KIAA1549L: variants seen among roughly 807,000 people sequenced by gnomAD.
KIAA1549L encodes the protein UPF0606 protein KIAA1549L.
Under a neutral mutation model 160.7 loss-of-function variants are expected in KIAA1549L, and 88 were observed. The ratio of observed to expected loss-of-function variants is 0.55; its 90% CI spans 0.46 to 0.65. KIAA1549L has a LOEUF of 0.65. KIAA1549L is among the 30% of genes least tolerant of loss of function. The probability of loss-of-function intolerance (pLI) is 0.00; values close to 1 mark genes in which losing one functional copy is unlikely to be tolerated. For synonymous variants in KIAA1549L, 950 were observed against 976.7 expected (o/e 0.97, Z 0.51); for missense variants, 2,258 against 2,437.5 (o/e 0.93, Z 1.55).
In KIAA1549L at chr11:33,561,628, C is replaced by G. The variant is rs1314809688; in HGVS notation, c.4019-48C>G. On this transcript the variant is annotated intron_variant, in intron 7 of 20. Transcript: ENST00000658780. ...ATATAACTAAATAAATGAAACGAAA[C>G]AAATCAAACCTATAAAAGTAATTGG... 2.9e-6 allele frequency: 4 copies of G among 1,385,316 alleles called. No homozygotes were observed. The Admixed American group carries it at 5.2e-5, about 18-fold the overall frequency. The allele number at this position is 1,385,316 out of a possible 1,614,324, so 85.8% of individuals were successfully genotyped here. A position where few individuals can be genotyped will look rare whatever the true frequency, so the allele number is the denominator to read the frequency against.
At chr11:33,540,741 G>C (rs955800161) in intron 1 of KIAA1549L, among the ~76,000 whole-genome samples, 4 of 152,226 alleles carry the variant, frequency 2.6e-5, no homozygotes, top group African/African-American at 9.6e-5. Flanking sequence ...AGGTGGGCCA[G>C]TGGAGGCCAG....
intron 10 of KIAA1549L, among the ~76,000 whole-genome samples, chr11:33,580,459 A>G (rs1855596801): frequency 6.6e-6 from 1 of 151,856 alleles, no homozygotes; most frequent in African/African-American, 2.4e-5. Context: ...GTGTAATCCC[A>G]GCTACTTGGG....
intron 1 of KIAA1549L, among the ~76,000 whole-genome samples, chr11:33,511,729 G>A (rs1853231829): frequency 1.3e-5 from 2 of 152,212 alleles, no homozygotes; most frequent in African/African-American, 2.4e-5. Flanking sequence ...GATGGCACAT[G>A]TCAAGAACCT....
At chr11:33,561,583 A>C (rs559000152) in intron 7 of KIAA1549L, 93 bp from the exon 8 acceptor site, 2 of 1,016,520 alleles carry the variant, frequency 2.0e-6, no homozygotes, top group South Asian at 2.7e-5. Flanking sequence ...CCTGGGCAAC[A>C]TATCAAGATC....
chr11:33,490,537 C>G (rs570838377), intron 1 of KIAA1549L, among the ~76,000 whole-genome samples: 48 of 152,222 alleles, frequency 3.2e-4, no homozygotes, highest in African/African-American at 1.1e-3. Flanking sequence ...GTTGCTTAGG[C>G]TGATCTGAAA....
chr11:33,509,171 G>A (rs1853166218), intron 1 of KIAA1549L, among the ~76,000 whole-genome samples: 1 of 152,192 alleles, frequency 6.6e-6, no homozygotes, highest in South Asian at 2.1e-4. Context: ...CTTCCCCACA[G>A]TCTTTAAAGA....
chr11:33,390,034 C>T (rs1850244225), intron 1 of KIAA1549L, among the ~76,000 whole-genome samples: 1 of 152,206 alleles, frequency 6.6e-6, no homozygotes, highest in South Asian at 2.1e-4. Flanking sequence ...ATAGAAATAA[C>T]AGCTAATACT....
intron 6 of KIAA1549L, among the ~76,000 whole-genome samples, chr11:33,557,108 C>T (rs1288644701): frequency 6.6e-6 from 1 of 152,106 alleles, no homozygotes; most frequent in East Asian, 1.9e-4. Context: ...CTGCCTCAGC[C>T]TCCCAAGCAG....
Position 33,609,656 on chromosome 11 carries a change from G to A in KIAA1549L, c.5062-93G>A, listed in dbSNP as rs1590394338. On this transcript the variant is annotated intron_variant, in intron 14 of 20. Coordinates refer to ENST00000658780, the MANE Select transcript of KIAA1549L (RefSeq NM_012194.3). ...GAGGCCCGGAGGTGATGCCTGTGATGGCTTTTTTAGAAGTGATAACCTCCT... is the reference window on the plus strand; with the variant it reads ...GAGGCCCGGAGGTGATGCCTGTGATAGCTTTTTTAGAAGTGATAACCTCCT... The A allele has an allele frequency of 2.9e-6, 3 of 1,021,506 alleles. No individual in the cohort carries two copies. In the South Asian group the frequency reaches 4.3e-5, roughly 15 times the overall value. The allele number at this position is 1,021,506 out of a possible 1,614,324, so 63.3% of individuals were successfully genotyped here. A position where few individuals can be genotyped will look rare whatever the true frequency, so the allele number is the denominator to read the frequency against.
chr11:33,536,067 T>C (rs1853886751), intron 1 of KIAA1549L, among the ~76,000 whole-genome samples: 1 of 152,232 alleles, frequency 6.6e-6, no homozygotes, highest in African/African-American at 2.4e-5. Context: ...AGTGAAGGGT[T>C]CTTAACCAAT....
At chr11:33,395,299 T>G (rs1850350817) in intron 1 of KIAA1549L, among the ~76,000 whole-genome samples, 1 of 152,202 alleles carries the variant, frequency 6.6e-6, no homozygotes, top group African/African-American at 2.4e-5. Flanking sequence ...GCAATAATAA[T>G]AGCTAACACT....
At chr11:33,405,369 A>T (rs1383061052) in intron 1 of KIAA1549L, among the ~76,000 whole-genome samples, 1 of 152,224 alleles carries the variant, frequency 6.6e-6, no homozygotes, top group East Asian at 1.9e-4. Flanking sequence ...ACATTACAGA[A>T]TGACCAAGAT....
At position 33,542,627 on chromosome 11, in the gene KIAA1549L, C is replaced by T. The variant is rs527617353; in HGVS notation, c.1064C>T (p.Ser355Phe). The T allele has an allele frequency of 1.2e-5, 19 of 1,613,894 alleles. No individual in the cohort carries two copies. The African/African-American group carries it at 1.3e-4, about 11-fold the overall frequency. ...CCCATGGCAGAACTGTCCCATCCGTCTCCCCCTCCCCCAGCACTTGGAAGT... is the reference window on the plus strand; with the variant it reads ...CCCATGGCAGAACTGTCCCATCCGTTTCCCCCTCCCCCAGCACTTGGAAGT... ...LSPMAELSHP[S>F]PPPPALGSLL... The change falls in exon 2 of 21, where the codon TCT (serine) becomes TTT (phenylalanine). Residue 355 changes from serine (S) to phenylalanine (F), a missense_variant. Coordinates refer to ENST00000658780, the MANE Select transcript of KIAA1549L (RefSeq NM_012194.3).
At chr11:33,407,575 G>A (rs539097567) in intron 1 of KIAA1549L, among the ~76,000 whole-genome samples, 1 of 151,970 alleles carries the variant, frequency 6.6e-6, no homozygotes, top group Non-Finnish European at 1.5e-5. Context: ...TTTCAAACTT[G>A]TGACCTCAAG....
intron 13 of KIAA1549L, among the ~76,000 whole-genome samples, chr11:33,605,528 C>T (rs981547106): frequency 1.3e-5 from 2 of 152,144 alleles, no homozygotes; most frequent in Non-Finnish European, 2.9e-5. Context: ...AATTATAACC[C>T]ATTGTTAGAC....
At chr11:33,509,431 C>G (rs1296715168) in intron 1 of KIAA1549L, among the ~76,000 whole-genome samples, 1 of 152,090 alleles carries the variant, frequency 6.6e-6, no homozygotes, top group African/African-American at 2.4e-5. Flanking sequence ...TTGGGATGCT[C>G]AAGAGGTACA....
At chr11:33,406,577 C>T (rs947799489) in intron 1 of KIAA1549L, among the ~76,000 whole-genome samples, 6 of 152,210 alleles carry the variant, frequency 3.9e-5, no homozygotes, top group African/African-American at 9.6e-5. Context: ...TTGTAATCCG[C>T]GCAGCGGAGC....
intron 1 of KIAA1549L, among the ~76,000 whole-genome samples, chr11:33,538,966 T>G (rs1853954715): frequency 6.6e-6 from 1 of 152,230 alleles, no homozygotes. Flanking sequence ...GTCTAGGTAA[T>G]TTTTGGACTA....
intron 1 of KIAA1549L, among the ~76,000 whole-genome samples, chr11:33,392,075 T>C (rs550939405): frequency 6.6e-6 from 1 of 152,242 alleles, no homozygotes; most frequent in East Asian, 1.9e-4. Flanking sequence ...TTGGAGGAAG[T>C]TGAGATTGAG....
Sources: allele counts gnomAD v4.1 joint callset (sites outside exome capture counted in the v4.1 genomes callset), GRCh38; gene constraint gnomAD v4.1.1; transcripts MANE v1.5; gene names NCBI Gene and HGNC (gene_info 2026-07-23, HGNC 2026-07-21).